FAF1: variants seen among roughly 807,000 people sequenced by gnomAD.
FAF1 encodes the protein Fas associated factor 1, also known as FAS-associated factor 1.
In FAF1, 25 loss-of-function variants were observed where a neutral mutation model predicts 92.5. The ratio of observed to expected loss-of-function variants is 0.27; its 90% CI spans 0.20 to 0.38. The LOEUF (loss-of-function observed/expected upper bound fraction) is 0.38, where lower values mean the gene tolerates loss of function less well. Among genes scored for constraint, FAF1 ranks in the 10% least tolerant of loss-of-function variants. The probability of loss-of-function intolerance (pLI) is 1.00; values close to 1 mark genes in which losing one functional copy is unlikely to be tolerated. For missense variants in FAF1, 636 were observed against 793.3 expected, an observed-to-expected ratio of 0.80 and a Z score of 2.38; for synonymous variants, 234 against 273.2, an observed-to-expected ratio of 0.86 and a Z score of 1.42.
At chr1:50,707,202 CA>C (rs397862445) in intron 6 of FAF1, among the ~76,000 whole-genome samples, 367 of 106,834 alleles carry the variant, frequency 3.4e-3, no homozygotes, top group Admixed American at 4.9e-3. Context: ...GACTCTGTGT[CA>C]AAAAAAAAAA....
intron 1 of FAF1, among the ~76,000 whole-genome samples, chr1:50,933,450 C>T (rs970570743): frequency 1.3e-5 from 2 of 152,314 alleles, no homozygotes; most frequent in South Asian, 4.1e-4. Context: ...ACCTTTGCTC[C>T]AGTTGCCAAC....
At chr1:50,729,960 G>A (rs1372202065) in intron 6 of FAF1, among the ~76,000 whole-genome samples, 2 of 152,068 alleles carry the variant, frequency 1.3e-5, no homozygotes, top group Non-Finnish European at 2.9e-5. Flanking sequence ...GGCAGAGGTT[G>A]CAGTGAGCCC....
intron 1 of FAF1, 184 bp downstream of exon 1, chr1:50,959,583 C>T (rs774018740): frequency 2.1e-5 from 9 of 433,742 alleles, no homozygotes; most frequent in Non-Finnish European, 3.5e-5. Context: ...TCTACACACT[C>T]ATGATAGCAT....
chr1:50,442,360 T>A (rs1185991012), intron 18 of FAF1, among the ~76,000 whole-genome samples: 2 of 149,306 alleles, frequency 1.3e-5, no homozygotes, highest in Non-Finnish European at 2.9e-5. Flanking sequence ...AAGACTCTAC[T>A]TTAAATTACA....
intron 7 of FAF1, among the ~76,000 whole-genome samples, chr1:50,670,096 G>A (rs1378749193): frequency 1.3e-5 from 2 of 148,490 alleles, no homozygotes; most frequent in Non-Finnish European, 3.0e-5. Context: ...ACTCCAGCCT[G>A]GGCAACAAGA....
intron 1 of FAF1, 89 bp downstream of exon 1, chr1:50,959,678 A>G (rs2124771717): frequency 8.6e-7 from 1 of 1,160,252 alleles, no homozygotes; most frequent in Admixed American, 1.8e-5. Flanking sequence ...ACACCACTGC[A>G]GCGTTCAAAC....
In FAF1 at chr1:50,914,355, A is replaced by G. The variant is rs541973042; in HGVS notation, c.45+45412T>C. Among the ~76,000 whole-genome samples, 28 of 152,370 alleles carry G rather than the reference A, an allele frequency of 1.8e-4. No homozygotes were observed. The East Asian group carries it at 5.4e-3, about 29-fold the overall frequency. On this transcript the variant is annotated intron_variant, in intron 1 of 18. Coordinates refer to ENST00000396153, the MANE Select transcript of FAF1 (RefSeq NM_007051.3). ...TAGGCCAGTAAGAAGCATTTTTAAT[A>G]TAAGCTAGAATAAAATCAATGCTAC...
chr1:50,524,724 A>G (rs1227504806), intron 15 of FAF1, among the ~76,000 whole-genome samples: 1 of 152,038 alleles, frequency 6.6e-6, no homozygotes, highest in East Asian at 1.9e-4. Flanking sequence ...TGAGTTTTCT[A>G]TTCTGTTCCA....
intron 2 of FAF1, among the ~76,000 whole-genome samples, chr1:50,819,961 A>G (rs933963601): frequency 1.3e-5 from 2 of 151,178 alleles, no homozygotes; most frequent in Admixed American, 1.3e-4. Flanking sequence ...GAATGCTAGA[A>G]AAATGCAATC....
At position 50,441,381 on chromosome 1, in the gene FAF1, TCTC is replaced by T. The variant is rs1646164908; in HGVS notation, c.*56_*58del. 1.8e-6 allele frequency: 2 copies of T among 1,128,672 alleles called. No individual in the cohort carries two copies. The highest frequency in any genetic ancestry group is 2.5e-6 in the Non-Finnish European group (2 of 798,162). The allele number at this position is 1,128,672 out of a possible 1,614,324, so 69.9% of individuals were successfully genotyped here. A position where few individuals can be genotyped will look rare whatever the true frequency, so the allele number is the denominator to read the frequency against. On this transcript the variant is annotated 3_prime_UTR_variant, in exon 19 of 19. Coordinates refer to ENST00000396153, the MANE Select transcript of FAF1 (RefSeq NM_007051.3). The stretch of plus-strand genomic sequence containing the variant: ...TGTGGGTGGGTTGGCGAGGAGCCCT[TCTC>T]CTGACGCAGGCTGCTGGCTTGTCAA...
At chr1:50,549,550 T>G (rs1187985063) in intron 13 of FAF1, among the ~76,000 whole-genome samples, 2 of 151,528 alleles carry the variant, frequency 1.3e-5, no homozygotes, top group Admixed American at 1.3e-4. Flanking sequence ...GAGGCTGAGG[T>G]GGGCGGACCA....
Position 50,816,043 on chromosome 1 carries a change from A to T in FAF1, c.115-14366T>A, listed in dbSNP as rs572305301. 5.5e-4 allele frequency among the ~76,000 whole-genome samples: 83 copies of T among 150,886 alleles called. 2 individuals are homozygous for T. The highest frequency in any genetic ancestry group is 3.3e-3 in the East Asian group (17 of 5,138). On this transcript the variant is annotated intron_variant, in intron 2 of 18. Transcript: ENST00000396153. ...TTCCGTCTTAAAAAAAAAAAAAAAA[A>T]TTTTAAAAAAGCCATTCTTCCTGGT...
chr1:50,736,414 T>A (rs909946837), intron 6 of FAF1, among the ~76,000 whole-genome samples: 1 of 152,254 alleles, frequency 6.6e-6, no homozygotes, highest in African/African-American at 2.4e-5. Context: ...ATATGCTATA[T>A]AACTTACTAG....
At chr1:50,610,715 G>C (rs1179950903) in intron 8 of FAF1, among the ~76,000 whole-genome samples, 1 of 152,064 alleles carries the variant, frequency 6.6e-6, no homozygotes, top group African/African-American at 2.4e-5. Flanking sequence ...TTCTCGGTTA[G>C]AAGTTCAAGA....
At chr1:50,501,758 G>A in intron 15 of FAF1, among the ~76,000 whole-genome samples, 1 of 152,092 alleles carries the variant, frequency 6.6e-6, no homozygotes, top group Admixed American at 6.5e-5. Flanking sequence ...AACGTAAAAT[G>A]GTAAAACTAC....
At position 50,837,657 on chromosome 1, in the gene FAF1, T is replaced by G. The variant is rs181605109; in HGVS notation, c.114+20272A>C. 2.2e-3 allele frequency among the ~76,000 whole-genome samples: 330 copies of G among 152,270 alleles called. 3 individuals are homozygous for G. The highest frequency in any genetic ancestry group is 7.9e-3 in the African/African-American group (327 of 41,562). The stretch of plus-strand genomic sequence containing the variant: ...TAGATCTAACATTGACCTATAAAGT[T>G]TGTACCAAATACATACCCAATCTGG... On this transcript the variant is annotated intron_variant, in intron 2 of 18. Coordinates refer to ENST00000396153, the MANE Select transcript of FAF1 (RefSeq NM_007051.3).
At chr1:50,606,372 G>C (rs1409677721) in intron 8 of FAF1, among the ~76,000 whole-genome samples, 1 of 151,374 alleles carries the variant, frequency 6.6e-6, no homozygotes, top group Non-Finnish European at 1.5e-5. Context: ...CTTCCTAAGT[G>C]AACAAATTTA....
chr1:50,522,367 G>T (rs2149030459), intron 15 of FAF1, among the ~76,000 whole-genome samples: 1 of 152,240 alleles, frequency 6.6e-6, no homozygotes, highest in East Asian at 1.9e-4. Context: ...ATAAGCCTCA[G>T]TTTCCTCTCT....
intron 13 of FAF1, among the ~76,000 whole-genome samples, chr1:50,548,171 T>G (rs557892022): frequency 6.6e-6 from 1 of 152,304 alleles, no homozygotes; most frequent in Non-Finnish European, 1.5e-5. Context: ...CCACCAAATA[T>G]ATGACGAGAT....
Sources: gnomAD v4.1 joint callset for allele counts (sites outside exome capture counted in the v4.1 genomes callset) on GRCh38, gnomAD v4.1.1 for gene constraint, MANE v1.5 for transcripts, NCBI Gene and HGNC (gene_info 2026-07-23, HGNC 2026-07-21) for gene names.